Variants in ZFAND4 observed in about 807,000 individuals in gnomAD.
ZFAND4 encodes AN1-type zinc finger protein 4.
ZFAND4 carries 43 observed loss-of-function variants against 64.4 expected under a neutral mutation model. The ratio of observed to expected loss-of-function variants is 0.67; its 90% confidence interval spans 0.52 to 0.86. The LOEUF (loss-of-function observed/expected upper bound fraction) is 0.86, where lower values mean the gene tolerates loss of function less well. Ranked by LOEUF, ZFAND4 falls within the 40% of genes least tolerant of loss-of-function variation. The probability of loss-of-function intolerance (pLI) is 0.00; values close to 1 mark genes in which losing one functional copy is unlikely to be tolerated. For synonymous variants in ZFAND4, 296 were observed against 305.7 expected, an observed-to-expected ratio of 0.97 and a Z score of 0.33; for missense variants, 929 against 859.8, an observed-to-expected ratio of 1.08 and a Z score of -1.01.
intron 8 of ZFAND4, among the ~76,000 whole-genome samples, chr10:45,621,746 AAAACAAAC>A (rs979787606): frequency 1.3e-5 from 2 of 152,278 alleles, no homozygotes; most frequent in South Asian, 2.1e-4. Context: ...CACCTCACAA[AAAACAAAC>A]AAACAAACAA....
chr10:45,632,066 T>C (rs2133620582), intron 6 of ZFAND4, among the ~76,000 whole-genome samples: 1 of 152,230 alleles, frequency 6.6e-6, no homozygotes, highest in South Asian at 2.1e-4. Context: ...AAGAATGGAA[T>C]ACAATTGGCC....
At chr10:45,665,138 A>C (rs1479307545) in intron 1 of ZFAND4, among the ~76,000 whole-genome samples, 3 of 152,218 alleles carry the variant, frequency 2.0e-5, no homozygotes, top group African/African-American at 4.8e-5. Flanking sequence ...AAATGATCAA[A>C]TTGCTATTGC....
chr10:45,652,214 A>T (rs1167016542), intron 3 of ZFAND4, among the ~76,000 whole-genome samples, 181 bp from the exon 4 acceptor site: 1 of 152,226 alleles, frequency 6.6e-6, no homozygotes, highest in Non-Finnish European at 1.5e-5. Flanking sequence ...AAAAAAGGTG[A>T]AACAAATTCT....
chr10:45,623,316 A>C (rs1387942315), intron 8 of ZFAND4, among the ~76,000 whole-genome samples: 1 of 152,252 alleles, frequency 6.6e-6, no homozygotes, highest in Non-Finnish European at 1.5e-5. Context: ...ATATATGTGC[A>C]CCCATGTTCA....
chr10:45,650,123 T>C (rs1168689099), intron 4 of ZFAND4: 3 of 152,192 alleles, frequency 2.0e-5, no homozygotes, highest in Admixed American at 6.5e-5. Context: ...TATTCGTTTT[T>C]TGAGACAGAG....
chr10:45,647,914 T>C lies in ZFAND4; in HGVS notation c.569+380A>G, dbSNP rs114139323. ...CCTGATTTTAGAATATTACAATTTA[T>C]CTCCCTTTTATAGAGTAGGAAAACA... is the stretch of plus-strand genomic sequence containing the variant. On this transcript the variant is annotated intron_variant, in intron 5 of 9. Coordinates refer to ENST00000344646, the MANE Select transcript of ZFAND4 (RefSeq NM_174890.4). 4.3e-3 allele frequency among the ~76,000 whole-genome samples: 654 copies of C among 152,314 alleles called. 4 individuals are homozygous for C. Among genetic ancestry groups the C allele is most frequent in the African/African-American group, 0.014 (577 of 41,566 alleles).
intron 6 of ZFAND4, among the ~76,000 whole-genome samples, chr10:45,632,259 G>A (rs542172623): frequency 2.6e-5 from 4 of 152,346 alleles, no homozygotes; most frequent in Admixed American, 1.3e-4. Flanking sequence ...TCAGAAGACT[G>A]AGGCAGGAGA....
At chr10:45,634,783 T>C (rs1025424771) in intron 6 of ZFAND4, among the ~76,000 whole-genome samples, 14 of 152,012 alleles carry the variant, frequency 9.2e-5, no homozygotes, top group African/African-American at 3.4e-4. Context: ...AAAAAACGAT[T>C]AGAACTGATA....
At chr10:45,646,948 T>G (rs2047424504) in intron 5 of ZFAND4, among the ~76,000 whole-genome samples, 1 of 152,244 alleles carries the variant, frequency 6.6e-6, no homozygotes. Context: ...TGTCACAGTC[T>G]GCTCTCTGAG....
At chr10:45,630,248 A>T (rs942874703) in intron 6 of ZFAND4, among the ~76,000 whole-genome samples, 3 of 152,182 alleles carry the variant, frequency 2.0e-5, no homozygotes, top group Non-Finnish European at 4.4e-5. Context: ...GATATTTTTT[A>T]AAATCTCATC....
intron 6 of ZFAND4, among the ~76,000 whole-genome samples, chr10:45,635,613 C>T (rs1030683285): frequency 1.5e-4 from 23 of 152,108 alleles, no homozygotes; most frequent in Non-Finnish European, 2.9e-5. Flanking sequence ...TATTTGTATA[C>T]TTATGTTCAT....
At chr10:45,625,288 C>T (rs1165875783) in intron 7 of ZFAND4, among the ~76,000 whole-genome samples, 13 of 149,066 alleles carry the variant, frequency 8.7e-5, no homozygotes, top group East Asian at 4.0e-4. Flanking sequence ...CTGGCTAACA[C>T]GGTGAAACCC....
intron 1 of ZFAND4, among the ~76,000 whole-genome samples, chr10:45,670,601 A>T (rs2049117183): frequency 6.6e-6 from 1 of 152,216 alleles, no homozygotes; most frequent in African/African-American, 2.4e-5. Flanking sequence ...CCTATTTAAT[A>T]AATGGTGCTG....
chr10:45,659,359 G>T (rs1251652276), intron 2 of ZFAND4, among the ~76,000 whole-genome samples: 1 of 152,140 alleles, frequency 6.6e-6, no homozygotes, highest in African/African-American at 2.4e-5. Flanking sequence ...ATTGTAAGAC[G>T]CAAACTCTAA....
At chr10:45,641,884 C>T (rs2047023735) in intron 5 of ZFAND4, among the ~76,000 whole-genome samples, 1 of 152,136 alleles carries the variant, frequency 6.6e-6, no homozygotes, top group East Asian at 1.9e-4. Flanking sequence ...AGACAGCAGA[C>T]CTAAGATTCA....
intron 6 of ZFAND4, among the ~76,000 whole-genome samples, chr10:45,630,640 G>C (rs977559511): frequency 1.3e-5 from 2 of 151,876 alleles, no homozygotes; most frequent in African/African-American, 2.4e-5. Flanking sequence ...CAGGAGAATT[G>C]GCATGAACCC....
At chr10:45,643,669 CAAAAAAAAAAAA>C (rs755281191) in intron 5 of ZFAND4, among the ~76,000 whole-genome samples, 1 of 56,070 alleles carries the variant, frequency 1.8e-5, no homozygotes, top group African/African-American at 5.8e-5. Context: ...GACTCCATCT[CAAAAAAAAAAAA>C]AAAAAAAAAA....
At chr10:45,671,490 C>A (rs1278912254) in intron 1 of ZFAND4, among the ~76,000 whole-genome samples, 2 of 146,174 alleles carry the variant, frequency 1.4e-5, no homozygotes, top group Non-Finnish European at 3.1e-5. Context: ...CCATGGAATA[C>A]TATGCAGCCA....
At chr10:45,649,804 AG>A (rs1240742527) in intron 4 of ZFAND4, 2 of 152,184 alleles carry the variant, frequency 1.3e-5, no homozygotes, top group African/African-American at 4.8e-5. Flanking sequence ...GCAGACCTTT[AG>A]GGGGGAAAAA....
Sources: allele counts gnomAD v4.1 joint callset (sites outside exome capture counted in the v4.1 genomes callset), GRCh38; gene constraint gnomAD v4.1.1; transcripts MANE v1.5; gene names NCBI Gene and HGNC (gene_info 2026-07-23, HGNC 2026-07-21).